ERC2: variants seen among roughly 807,000 people sequenced by gnomAD.
ERC2 encodes ELKS/RAB6-interacting/CAST family member 2, also known as ERC protein 2.
ERC2 carries 42 observed loss-of-function variants against 114.8 expected under a neutral mutation model. The ratio of observed to expected loss-of-function variants is 0.37; its 90% CI spans 0.29 to 0.47. ERC2 has a LOEUF of 0.47. Among genes scored for constraint, ERC2 ranks in the 20% least tolerant of loss-of-function variants. ERC2 has a pLI of 0.99. For synonymous variants in ERC2, 454 were observed against 425.5 expected, an observed-to-expected ratio of 1.07 and a Z score of -0.82; for missense variants, 939 against 1,150.7, an observed-to-expected ratio of 0.82 and a Z score of 2.66.
intron 2 of ERC2, among the ~76,000 whole-genome samples, chr3:56,320,548 T>C (rs1314749550): frequency 6.6e-6 from 1 of 152,184 alleles, no homozygotes; most frequent in African/African-American, 2.4e-5. Context: ...GTGGGAGTAT[T>C]AAACCATGGG....
intron 7 of ERC2, among the ~76,000 whole-genome samples, chr3:56,022,857 T>C (rs939416828): frequency 2.6e-5 from 4 of 152,120 alleles, no homozygotes; most frequent in African/African-American, 9.7e-5. Flanking sequence ...GCCTTTGACT[T>C]GAGCTGCCTT....
intron 14 of ERC2, among the ~76,000 whole-genome samples, chr3:55,748,310 GT>G (rs1316347636): frequency 6.6e-6 from 1 of 152,192 alleles, no homozygotes; most frequent in African/African-American, 2.4e-5. Flanking sequence ...CATCCAGGTG[GT>G]CAGAGGCAGT....
At chr3:56,206,694 A>T (rs530698186) in intron 3 of ERC2, among the ~76,000 whole-genome samples, 1 of 152,340 alleles carries the variant, frequency 6.6e-6, no homozygotes, top group East Asian at 1.9e-4. Context: ...ACACACACAC[A>T]TCCCAGATTA....
At chr3:56,438,928 GA>G (rs1180460734) in intron 1 of ERC2, among the ~76,000 whole-genome samples, 1 of 152,202 alleles carries the variant, frequency 6.6e-6, no homozygotes, top group African/African-American at 2.4e-5. Flanking sequence ...AACATGAAAA[GA>G]TGTATTATCA....
intron 14 of ERC2, among the ~76,000 whole-genome samples, chr3:55,887,958 A>G (rs1279438175): frequency 1.3e-5 from 2 of 152,246 alleles, no homozygotes; most frequent in African/African-American, 4.8e-5. Flanking sequence ...CAAACCAGGC[A>G]TTGTGCACAA....
intron 15 of ERC2, among the ~76,000 whole-genome samples, chr3:55,707,213 G>A (rs1308805201): frequency 6.6e-6 from 1 of 152,084 alleles, no homozygotes; most frequent in African/African-American, 2.4e-5. Flanking sequence ...GCAGCCGGGT[G>A]GCTTGAGCTC....
chr3:55,715,163 TGG>T (rs2064038874), intron 15 of ERC2, among the ~76,000 whole-genome samples: 1 of 152,192 alleles, frequency 6.6e-6, no homozygotes. Flanking sequence ...ATGACAGGCA[TGG>T]TTGTGTCTAT....
At chr3:56,204,685 T>C (rs1221668147) in intron 3 of ERC2, among the ~76,000 whole-genome samples, 1 of 151,710 alleles carries the variant, frequency 6.6e-6, no homozygotes, top group African/African-American at 2.4e-5. Context: ...GTATGTTTAA[T>C]AGAGATAGGG....
chr3:55,789,171 G>A (rs1029257048), intron 14 of ERC2, among the ~76,000 whole-genome samples: 1 of 152,208 alleles, frequency 6.6e-6, no homozygotes, highest in Non-Finnish European at 1.5e-5. Context: ...ATTTGCAGAT[G>A]TCCCCCGCCA....
chr3:56,349,470 G>C (rs2058466775), intron 2 of ERC2, among the ~76,000 whole-genome samples: 1 of 152,180 alleles, frequency 6.6e-6, no homozygotes. Flanking sequence ...TAAAAGCTTA[G>C]CTATATTTCC....
chr3:55,981,468 T>C (rs1405992299), intron 12 of ERC2, among the ~76,000 whole-genome samples: 1 of 152,212 alleles, frequency 6.6e-6, no homozygotes, highest in Non-Finnish European at 1.5e-5. Flanking sequence ...AATTCTTCCT[T>C]ACAGGAAGTA....
chr3:56,010,676 C>T, intron 8 of ERC2, 87 bp from the exon 9 acceptor site: 1 of 1,421,394 alleles, frequency 7.0e-7, no homozygotes. Context: ...AGAGGCAGTA[C>T]ATCTAAGAAA....
At chr3:56,182,156 T>G (rs1235101890) in intron 3 of ERC2, among the ~76,000 whole-genome samples, 1 of 152,226 alleles carries the variant, frequency 6.6e-6, no homozygotes, top group Non-Finnish European at 1.5e-5. Context: ...AGTCTAACAT[T>G]CCATACACTC....
intron 14 of ERC2, among the ~76,000 whole-genome samples, chr3:55,872,078 C>T (rs981424189): frequency 5.3e-5 from 8 of 152,106 alleles, no homozygotes; most frequent in Middle Eastern, 6.3e-3. Context: ...AGCTGATAAT[C>T]GCTGAAATTG....
At chr3:55,714,661 GTGTGTGTA>G (rs1183600526) in intron 15 of ERC2, among the ~76,000 whole-genome samples, 10 of 71,748 alleles carry the variant, frequency 1.4e-4, no homozygotes, top group Non-Finnish European at 2.0e-4. Context: ...GTGTGTGTGT[GTGTGTGTA>G]TATATATATA....
rs1056337671 is a variant in ERC2 at position 55,691,984 on chromosome 3, T to C, written c.2847+7394A>G. On this transcript the variant is annotated intron_variant, in intron 16 of 17. Transcript: ENST00000288221. Reference sequence around the variant, plus strand: ...ATACATATATACACACAGGATGCTATGTATACATTTATCCCACATTCATTT... The same window carrying C: ...ATACATATATACACACAGGATGCTACGTATACATTTATCCCACATTCATTT... Among the ~76,000 whole-genome samples, 40 of 152,186 alleles carry C rather than the reference T, an allele frequency of 2.6e-4. 2 individuals carry two copies. The highest frequency in any genetic ancestry group is 4.4e-5 in the Non-Finnish European group (3 of 68,022).
intron 4 of ERC2, among the ~76,000 whole-genome samples, chr3:56,158,667 C>G (rs1482949161): frequency 6.6e-6 from 1 of 151,720 alleles, no homozygotes; most frequent in Non-Finnish European, 1.5e-5. Context: ...AAGCAGCAAG[C>G]AAAATTCTCA....
chr3:56,229,862 C>CTTTTTTTTTTTTT (rs34357962), intron 3 of ERC2, among the ~76,000 whole-genome samples: 3 of 56,634 alleles, frequency 5.3e-5, no homozygotes, highest in African/African-American at 6.9e-5. Flanking sequence ...AATATCTAGT[C>CTTTTTTTTTTTTT]TTTTTTTTTT....
At chr3:56,441,280 C>T (rs1341530468) in intron 1 of ERC2, among the ~76,000 whole-genome samples, 2 of 152,154 alleles carry the variant, frequency 1.3e-5, no homozygotes, top group Non-Finnish European at 2.9e-5. Flanking sequence ...TGAGACAAGC[C>T]ATGTTGGAGC....
Sources: allele counts gnomAD v4.1 joint callset (sites outside exome capture counted in the v4.1 genomes callset), GRCh38; gene constraint gnomAD v4.1.1; transcripts MANE v1.5; gene names NCBI Gene and HGNC (gene_info 2026-07-23, HGNC 2026-07-21).